The following ECE1 variants were observed in gnomAD, a reference collection of about 807,000 sequenced individuals.
The protein encoded by ECE1 is endothelin-converting enzyme 1.
ECE1 carries 35 observed loss-of-function variants against 98.6 expected under a neutral mutation model. That is an observed-to-expected ratio of 0.35 (90% CI 0.27 to 0.47). ECE1 has a LOEUF of 0.47. Among genes scored for constraint, ECE1 ranks in the 20% least tolerant of loss-of-function variants. The pLI is 1.00. For synonymous variants in ECE1, 394 were observed against 407.1 expected (o/e 0.97, Z 0.39); for missense variants, 814 against 1,025.3 (o/e 0.79, Z 2.81).
chr1:21,309,846 T>C (rs1329700968), intron 1 of ECE1, among the ~76,000 whole-genome samples: 79 of 149,430 alleles, frequency 5.3e-4, no homozygotes, highest in Middle Eastern at 3.5e-3. Flanking sequence ...GGCTAGAGTG[T>C]AGTGGCGCGA....
intron 1 of ECE1, among the ~76,000 whole-genome samples, chr1:21,297,303 C>T (rs1001096599): frequency 3.3e-5 from 5 of 152,166 alleles, no homozygotes; most frequent in Non-Finnish European, 7.3e-5. Flanking sequence ...CAAACCTGGT[C>T]AGCAGCCTCT....
rs2098190886 is a variant in ECE1, at chr1:21,238,225, T to C, written c.1298A>G (p.Lys433Arg). The change falls in exon 11 of 19, where the codon AAG (lysine) becomes AGG (arginine). Residue 433 changes from lysine to arginine, a missense_variant. Lys to Arg is a conservative substitution (Grantham distance 26). Around this residue, in one of 3 missense-constraint regions of ECE1, gnomAD observed 452 missense variants for 567.3 expected, o/e 0.80. Coordinates refer to ENST00000374893, the MANE Select transcript of ECE1 (RefSeq NM_001397.3). ...GTKKTCLPRW[K>R]FCVSDTENNL... ...GTTTTCTGTGTCACTCACGCAAAAC[T>C]TCCAGCGAGGAAGACAGGTCTGGAA... The C allele has an allele frequency of 6.2e-7, 1 of 1,614,230 alleles. No homozygotes were observed. Among genetic ancestry groups the C allele is most frequent in the East Asian group, 2.2e-5 (1 of 44,888 alleles).
At chr1:21,228,726 T>C (rs1448361537) in intron 14 of ECE1, among the ~76,000 whole-genome samples, 1 of 151,406 alleles carries the variant, frequency 6.6e-6, no homozygotes, top group Middle Eastern at 3.2e-3. Flanking sequence ...GAGGTGGAGG[T>C]TGCAGTGAGC....
At chr1:21,245,783 G>A (rs2098202623) in intron 9 of ECE1, among the ~76,000 whole-genome samples, 1 of 152,158 alleles carries the variant, frequency 6.6e-6, no homozygotes, top group Non-Finnish European at 1.5e-5. Context: ...GTTTTGAGAT[G>A]ACAAGGGGGA....
At chr1:21,261,012 C>G (rs1037108237) in intron 4 of ECE1, among the ~76,000 whole-genome samples, 3 of 152,200 alleles carry the variant, frequency 2.0e-5, no homozygotes, top group African/African-American at 7.2e-5. Context: ...AGATTCTGTT[C>G]CCTTCTCCCT....
At chr1:21,223,122 A>G (rs1199689724) in intron 17 of ECE1, among the ~76,000 whole-genome samples, 1 of 150,972 alleles carries the variant, frequency 6.6e-6, no homozygotes, top group Non-Finnish European at 1.5e-5. Flanking sequence ...CCACAGATGC[A>G]CGCCACCATG....
At chr1:21,255,699 C>T (rs2098218986) in intron 8 of ECE1, among the ~76,000 whole-genome samples, 1 of 152,224 alleles carries the variant, frequency 6.6e-6, no homozygotes, top group Non-Finnish European at 1.5e-5. Flanking sequence ...CTATTAATTA[C>T]AGAGAAGCAG....
chr1:21,342,675 C>T (rs1639424932), intron 1 of ECE1, among the ~76,000 whole-genome samples: 1 of 151,642 alleles, frequency 6.6e-6, no homozygotes, highest in Non-Finnish European at 1.5e-5. Context: ...CATTAGGAAC[C>T]CAGGGGCCAA....
In ECE1 at chr1:21,233,762, A is replaced by ATTCC; in HGVS notation, c.1567-102_1567-101insGGAA. On this transcript the variant is annotated intron_variant, in intron 13 of 18. Coordinates refer to ENST00000374893, the MANE Select transcript of ECE1 (RefSeq NM_001397.3). The surrounding 1 kb of genome is among the most constrained non-coding windows in gnomAD (Gnocchi z 4.0). ...TGTCATGGTTAAGAGATTAATCTGCAGGCTGGAGACCGGAATGCAGGGCTT... is the reference window on the plus strand; with the variant it reads ...TGTCATGGTTAAGAGATTAATCTGCATTCCGGCTGGAGACCGGAATGCAGGGCTT... 2 of 1,105,076 alleles carry ATTCC rather than the reference A, an allele frequency of 1.8e-6. No homozygotes were observed. The highest frequency in any genetic ancestry group is 2.7e-6 in the Non-Finnish European group (2 of 742,322). The allele number at this position is 1,105,076 out of a possible 1,614,324, so 68.5% of individuals were successfully genotyped here. A position where few individuals can be genotyped will look rare whatever the true frequency, so the allele number is the denominator to read the frequency against.
intron 1 of ECE1, among the ~76,000 whole-genome samples, chr1:21,330,220 CA>C (rs1481119808): frequency 2.2e-5 from 3 of 138,052 alleles, no homozygotes; most frequent in Non-Finnish European, 4.7e-5. Context: ...ACATACTCGC[CA>C]AATACTTTTT....
intron 4 of ECE1, among the ~76,000 whole-genome samples, chr1:21,267,699 C>T: frequency 6.6e-6 from 1 of 152,074 alleles, no homozygotes; most frequent in Non-Finnish European, 1.5e-5. Context: ...TAACCATTCC[C>T]CAAACAGGAA....
intron 4 of ECE1, chr1:21,267,277 C>G (rs1326763939): frequency 1.3e-5 from 2 of 152,456 alleles, no homozygotes; most frequent in African/African-American, 4.8e-5. Context: ...TGTTTTCCCA[C>G]TGTTGATACA....
At chr1:21,248,963 C>T (rs212516) in intron 8 of ECE1, among the ~76,000 whole-genome samples, 26,312 of 152,062 alleles carry the variant, frequency 0.17, 2,748 homozygotes, top group African/African-American at 0.29. Flanking sequence ...TTGGTGTCCA[C>T]AGCTAGCATT....
intron 1 of ECE1, among the ~76,000 whole-genome samples, chr1:21,320,906 T>C (rs1390569578): frequency 6.6e-6 from 1 of 152,232 alleles, no homozygotes; most frequent in Admixed American, 6.5e-5. Flanking sequence ...GGAGCTGTGA[T>C]GGTCTTCCCT....
At chr1:21,266,375 T>C (rs979148017) in intron 4 of ECE1, 11 of 152,222 alleles carry the variant, frequency 7.2e-5, no homozygotes, top group African/African-American at 2.7e-4. Context: ...TAGACTCCGT[T>C]CAGACAGTCA....
rs114507296 is a variant in ECE1 at position 21,235,644 on chromosome 1, C to A, written c.1566+206G>T. Among the ~76,000 whole-genome samples, 143 of 152,316 alleles carry A rather than the reference C, an allele frequency of 9.4e-4. No individual in the cohort carries two copies. Among genetic ancestry groups the A allele is most frequent in the African/African-American group, 3.2e-3 (133 of 41,568 alleles). ...CTGATGGATGGTGGCTATGGGGAGG[C>A]AGGGCCTCCAGCTGACCCAGGAGCC... On this transcript the variant is annotated intron_variant, in intron 13 of 18. Coordinates refer to ENST00000374893, the MANE Select transcript of ECE1 (RefSeq NM_001397.3). This position sits in a 1 kb window ranked among gnomAD's most constrained non-coding sequence, Gnocchi z 4.2.
chr1:21,270,763 G>A (rs1404468948), intron 4 of ECE1, among the ~76,000 whole-genome samples: 4 of 152,244 alleles, frequency 2.6e-5, no homozygotes, highest in Middle Eastern at 3.4e-3. Context: ...TTCAGAGGAG[G>A]CATGGTTCCC....
rs1638982961 is a variant in ECE1, at chr1:21,322,339, C to T, written c.3+23037G>A. ...CAGTGCCACCCACCTCTAGCAAATG[C>T]TTCCATTCCCACAACCATGGGCACC... On this transcript the variant is annotated intron_variant, in intron 1 of 18. Coordinates refer to the ECE1 transcript ENST00000415912. The surrounding 1 kb of genome is among the most constrained non-coding windows in gnomAD (Gnocchi z 4.1). 6.6e-6 allele frequency among the ~76,000 whole-genome samples: 1 copy of T among 152,204 alleles called. No individual in the cohort carries two copies. Among genetic ancestry groups the T allele is most frequent in the South Asian group, 2.1e-4 (1 of 4,828 alleles).
chr1:21,268,232 A>G lies in ECE1; in HGVS notation c.493+4467T>C, dbSNP rs2098236335. Among the ~76,000 whole-genome samples the G allele has an allele frequency of 2.0e-5, 3 of 152,206 alleles. No individual in the cohort carries two copies. The South Asian group carries it at 6.2e-4, about 31-fold the overall frequency. On this transcript the variant is annotated intron_variant, in intron 4 of 18. Transcript: ENST00000374893. ...GTAGAATAATCTGAGCTACAAGCACAGTTGGAAAGTCCAAGGCAGGGCCAA... is the reference window on the plus strand; with the variant it reads ...GTAGAATAATCTGAGCTACAAGCACGGTTGGAAAGTCCAAGGCAGGGCCAA...
Sources: allele counts gnomAD v4.1 joint callset (sites outside exome capture counted in the v4.1 genomes callset), GRCh38; gene constraint gnomAD v4.1.1; regional missense constraint gnomAD v4.1.1; non-coding constraint Gnocchi (gnomAD v3.1); transcripts MANE v1.5; gene names NCBI Gene and HGNC (gene_info 2026-07-23, HGNC 2026-07-21).